CD48: variants seen among roughly 807,000 people sequenced by gnomAD.
The protein encoded by CD48 is CD48 antigen.
CD48 carries 20 observed loss-of-function variants against 22.0 expected under a neutral mutation model. The ratio of observed to expected loss-of-function variants is 0.91; its 90% CI spans 0.64 to 1.32. The LOEUF (loss-of-function observed/expected upper bound fraction) is 1.32. Ranked by LOEUF, CD48 falls within the 40% of genes most tolerant of loss-of-function variation. The pLI is 0.00. For synonymous variants in CD48, 110 were observed against 110.1 expected (o/e 1.00, Z 0.01); for missense variants, 307 against 286.5 (o/e 1.07, Z -0.52).
At chr1:160,685,704 A>T (rs541672400) in intron 1 of CD48, among the ~76,000 whole-genome samples, 1 of 152,356 alleles carries the variant, frequency 6.6e-6, no homozygotes, top group South Asian at 2.1e-4. Flanking sequence ...ACTATAATAA[A>T]GGTAACGTGG....
At position 160,702,469 on chromosome 1, in the gene CD48, C is replaced by T. The variant is rs540052826; in HGVS notation, c.82+9213G>A. On this transcript the variant is annotated intron_variant, in intron 1 of 3. Coordinates refer to ENST00000368046, the MANE Select transcript of CD48 (RefSeq NM_001778.4). ...TTGATGTCGGGTCCATCCCAGGCCCCGCTCCCTGTTTCCCTGGTGTTGTGG... is the reference window on the plus strand; with the variant it reads ...TTGATGTCGGGTCCATCCCAGGCCCTGCTCCCTGTTTCCCTGGTGTTGTGG... 1.5e-4 allele frequency among the ~76,000 whole-genome samples: 23 copies of T among 152,232 alleles called. No homozygotes were observed. The East Asian group carries it at 2.9e-3, about 19-fold the overall frequency.
chr1:160,694,136 C>A (rs974433214), intron 1 of CD48, among the ~76,000 whole-genome samples: 27 of 152,210 alleles, frequency 1.8e-4, no homozygotes, highest in Non-Finnish European at 2.9e-5. Flanking sequence ...AGGTGAAATT[C>A]AATTGGTTAT....
At chr1:160,681,751 G>T (rs889951724) in intron 2 of CD48, among the ~76,000 whole-genome samples, 1 of 152,180 alleles carries the variant, frequency 6.6e-6, no homozygotes, top group African/African-American at 2.4e-5. Context: ...TTATGATCGT[G>T]TGTGAGCCTG....
At chr1:160,701,557 G>A (rs1382519789) in intron 1 of CD48, among the ~76,000 whole-genome samples, 1 of 152,020 alleles carries the variant, frequency 6.6e-6, no homozygotes, top group African/African-American at 2.4e-5. Flanking sequence ...GACTGGGAGG[G>A]GTTTGGTAAT....
rs143462950 is a variant in CD48, at chr1:160,681,207, G to A, written c.647C>T (p.Thr216Ile). ...NGTVCLSPPC[T>I]LARSFGVEWI... ...CTCCCAGGGATCCTTCTTACCCAGG[G>A]TACAGGGTGGACTGAGGCAGACCGT... The change falls in exon 3 of 4, where the codon ACC becomes ATC. Residue 216 changes from threonine (T) to isoleucine (I), a missense_variant. Transcript: ENST00000368046. 122 of 1,614,110 alleles carry A rather than the reference G, an allele frequency of 7.6e-5. No homozygotes were observed. In the African/African-American group the frequency reaches 1.5e-3, roughly 19 times the overall value.
chr1:160,685,247 C>G (rs895408251), intron 1 of CD48, 58 bp from the exon 2 acceptor site: 1 of 1,345,562 alleles, frequency 7.4e-7, no homozygotes, highest in African/African-American at 1.5e-5. Flanking sequence ...GCTGACAGGC[C>G]CAGGGTATAG....
intron 1 of CD48, among the ~76,000 whole-genome samples, chr1:160,703,557 C>T (rs1458982690): frequency 6.6e-6 from 1 of 152,022 alleles, no homozygotes; most frequent in Non-Finnish European, 1.5e-5. Context: ...GTACATGCAG[C>T]AAAGATCCCT....
rs1435225405 is a variant in CD48 at position 160,695,880 on chromosome 1, A to G, written c.83-10691T>C. ...TAGCTACTTTAATTGGTCCGACAAG[A>G]TTACGAATAATAAAATTATGTGGAA... On this transcript the variant is annotated intron_variant, in intron 1 of 3. Coordinates refer to ENST00000368046, the MANE Select transcript of CD48 (RefSeq NM_001778.4). Among the ~76,000 whole-genome samples the G allele has an allele frequency of 2.0e-5, 3 of 152,304 alleles. No individual in the cohort carries two copies. The East Asian group carries it at 5.8e-4, about 29-fold the overall frequency.
chr1:160,692,163 T>C (rs1341416401), intron 1 of CD48: 1 of 152,198 alleles, frequency 6.6e-6, no homozygotes, highest in African/African-American at 2.4e-5. Context: ...TTAAAGCAGC[T>C]TTAGAACCAT....
intron 1 of CD48, among the ~76,000 whole-genome samples, chr1:160,685,990 G>T (rs570269604): frequency 1.3e-5 from 2 of 152,338 alleles, no homozygotes; most frequent in Admixed American, 1.3e-4. Flanking sequence ...TCTAGATTCT[G>T]CTTGGCCTTT....
chr1:160,692,687 A>G (rs1311289546), intron 1 of CD48, among the ~76,000 whole-genome samples: 1 of 152,172 alleles, frequency 6.6e-6, no homozygotes, highest in Non-Finnish European at 1.5e-5. Context: ...ACATGAAATT[A>G]TTGAGAAGTC....
intron 1 of CD48, among the ~76,000 whole-genome samples, chr1:160,701,334 A>G (rs181011329): frequency 1.2e-3 from 183 of 151,624 alleles, no homozygotes; most frequent in African/African-American, 3.8e-3. Flanking sequence ...AACACAGGAG[A>G]ATTCTAAGGG....
At chr1:160,707,609 G>A (rs920627111) in intron 1 of CD48, among the ~76,000 whole-genome samples, 5 of 152,098 alleles carry the variant, frequency 3.3e-5, no homozygotes, top group Non-Finnish European at 7.4e-5. Flanking sequence ...CTCTAGTTTC[G>A]ATTTCTTCTG....
In CD48 at chr1:160,698,788, C is replaced by T. The variant is rs551916265; in HGVS notation, c.82+12894G>A. Among the ~76,000 whole-genome samples, 184 of 152,180 alleles carry T rather than the reference C, an allele frequency of 1.2e-3. 1 individual carries two copies. The highest frequency in any genetic ancestry group is 4.1e-3 in the African/African-American group (170 of 41,494). On this transcript the variant is annotated intron_variant, in intron 1 of 3. Coordinates refer to ENST00000368046, the MANE Select transcript of CD48 (RefSeq NM_001778.4). ...TTTCCAAATTAAAAGAACAAATTTTCGAAGCATCAAAAGCCCATTTAAATT... is the reference window on the plus strand; with the variant it reads ...TTTCCAAATTAAAAGAACAAATTTTTGAAGCATCAAAAGCCCATTTAAATT...
intron 1 of CD48, among the ~76,000 whole-genome samples, chr1:160,704,072 T>C (rs1662718796): frequency 6.6e-6 from 1 of 152,078 alleles, no homozygotes; most frequent in African/African-American, 2.4e-5. Context: ...GCATTTACAA[T>C]GTATTTAGAA....
chr1:160,684,839 T>G (rs763668363), intron 2 of CD48, 48 bp downstream of exon 2: 3 of 1,613,952 alleles, frequency 1.9e-6, no homozygotes, highest in Non-Finnish European at 2.5e-6. Flanking sequence ...CAGTGGTCCA[T>G]CTGGGGCCAC....
Position 160,684,963 on chromosome 1 carries a change from G to T in CD48, c.309C>A (p.Asp103Glu). ...ALYISKVQKE[D>E]NSTYIMRVLK... ...ACACCCTCATGATGTAGGTGCTGTT[G>T]TCCTCTTTCTGGACCTTAGAGATGT... The change falls in exon 2 of 4, where the codon GAC becomes GAA. Residue 103 changes from aspartate to glutamate, a missense_variant. Coordinates refer to ENST00000368046, the MANE Select transcript of CD48 (RefSeq NM_001778.4). The T allele has an allele frequency of 6.2e-7, 1 of 1,614,116 alleles. No homozygotes were observed. The highest frequency in any genetic ancestry group is 1.7e-5 in the Admixed American group (1 of 60,014).
chr1:160,702,586 T>G (rs535814096), intron 1 of CD48, among the ~76,000 whole-genome samples: 14 of 152,294 alleles, frequency 9.2e-5, no homozygotes, highest in African/African-American at 2.6e-4. Flanking sequence ...AGGAGCAGCA[T>G]TTGGCCATGT....
intron 1 of CD48, among the ~76,000 whole-genome samples, chr1:160,695,618 CAG>C (rs1320550747): frequency 6.6e-5 from 10 of 152,234 alleles, no homozygotes; most frequent in African/African-American, 2.4e-4. Flanking sequence ...AGAGGAGACT[CAG>C]ACTTAAATAG....
Sources: gnomAD v4.1 joint callset for allele counts (sites outside exome capture counted in the v4.1 genomes callset) on GRCh38, gnomAD v4.1.1 for gene constraint, MANE v1.5 for transcripts, NCBI Gene and HGNC (gene_info 2026-07-23, HGNC 2026-07-21) for gene names.